Variants in STK3 observed in about 807,000 individuals in gnomAD.
The protein encoded by STK3 is serine/threonine kinase 3.
Under a neutral mutation model 58.0 loss-of-function variants are expected in STK3, and 41 were observed. The ratio of observed to expected loss-of-function variants is 0.71; its 90% CI spans 0.55 to 0.92. The LOEUF is 0.92. STK3 is among the 40% of genes least tolerant of loss of function. The pLI is 0.00. For missense variants in STK3, 479 were observed against 602.7 expected (o/e 0.79, Z 2.15); for synonymous variants, 170 against 191.0 (o/e 0.89, Z 0.91).
At chr8:98,507,028 C>A (rs140162877) in intron 10 of STK3, among the ~76,000 whole-genome samples, 25 of 152,274 alleles carry the variant, frequency 1.6e-4, no homozygotes, top group African/African-American at 6.0e-4. Context: ...TGAATACAGA[C>A]CCCTTCCCTT....
At chr8:98,447,311 G>A (rs1304617728) in intron 1 of STK3, among the ~76,000 whole-genome samples, 2 of 152,106 alleles carry the variant, frequency 1.3e-5, no homozygotes, top group Non-Finnish European at 2.9e-5. Flanking sequence ...CATGCAGTAA[G>A]TTAGGCAGCA....
intron 1 of STK3, among the ~76,000 whole-genome samples, chr8:98,904,349 A>T (rs555067095): frequency 6.6e-6 from 1 of 152,100 alleles, no homozygotes; most frequent in Non-Finnish European, 1.5e-5. Flanking sequence ...ATCCTTACCT[A>T]GGGCTGTTCA....
At chr8:98,349,356 G>T in the STK3 span, among the ~76,000 whole-genome samples, 1 of 152,240 alleles carries the variant, frequency 6.6e-6, no homozygotes, top group African/African-American at 2.4e-5. Flanking sequence ...GGCTCCCATG[G>T]TCTTCGGCAG....
At chr8:98,597,958 A>C in intron 6 of STK3, 3 of 985,394 alleles carry the variant, frequency 3.0e-6, no homozygotes, top group Non-Finnish European at 3.6e-6. Context: ...TTAAAAAATG[A>C]GTAAAATGGG....
intron 1 of STK3, among the ~76,000 whole-genome samples, chr8:98,804,933 T>C (rs1833808217): frequency 6.6e-6 from 1 of 152,186 alleles, no homozygotes; most frequent in South Asian, 2.1e-4. Context: ...GCTGACTGTA[T>C]AAGATGAACC....
intron 2 of STK3, among the ~76,000 whole-genome samples, chr8:98,372,969 G>A (rs1449040253): frequency 1.3e-5 from 2 of 152,134 alleles, no homozygotes; most frequent in African/African-American, 2.4e-5. Flanking sequence ...GTCTTACTCT[G>A]GTTATAATGG....
chr8:98,590,372 C>T (rs1331054121), intron 7 of STK3, among the ~76,000 whole-genome samples: 1 of 152,156 alleles, frequency 6.6e-6, no homozygotes, highest in East Asian at 1.9e-4. Flanking sequence ...GGGTAGAGGG[C>T]TTCCGAGGCG....
chr8:98,404,218 G>C (rs977025441), intron 3 of STK3, among the ~76,000 whole-genome samples: 1 of 152,088 alleles, frequency 6.6e-6, no homozygotes, highest in Non-Finnish European at 1.5e-5. Context: ...TCTCTCTATG[G>C]GACATGCTCC....
At chr8:98,580,604 GTGAGT>G (rs1488659684) in intron 7 of STK3, among the ~76,000 whole-genome samples, 1 of 152,204 alleles carries the variant, frequency 6.6e-6, no homozygotes, top group African/African-American at 2.4e-5. Context: ...GACTGAGTGA[GTGAGT>G]TATTTGTTTA....
chr8:98,695,204 T>C (rs1292353216), intron 6 of STK3, among the ~76,000 whole-genome samples: 10 of 152,246 alleles, frequency 6.6e-5, no homozygotes, highest in Non-Finnish European at 1.3e-4. Flanking sequence ...GTTGTTTTTT[T>C]CTTGTAAATT....
intron 1 of STK3, among the ~76,000 whole-genome samples, chr8:98,795,751 G>A (rs1034162368): frequency 7.9e-5 from 12 of 151,950 alleles, no homozygotes; most frequent in African/African-American, 2.9e-4. Context: ...TAACGTTCCA[G>A]CTGAGAGCCA....
At position 98,808,257 on chromosome 8, in the gene STK3, G is replaced by A. The variant is rs1834006829; in HGVS notation, c.26+17258C>T. Reference sequence around the variant, plus strand: ...ATATGAAAACATGAGGGCAGGACAGGAAAGAAAGTGTGAAGTGAGAGGACT... The same window carrying A: ...ATATGAAAACATGAGGGCAGGACAGAAAAGAAAGTGTGAAGTGAGAGGACT... On this transcript the variant is annotated intron_variant, in intron 1 of 10. Transcript: ENST00000419617. Among the ~76,000 whole-genome samples, 2 of 152,188 alleles carry A rather than the reference G, an allele frequency of 1.3e-5. 1 individual carries two copies. Among genetic ancestry groups the A allele is most frequent in the South Asian group, 4.1e-4 (2 of 4,830 alleles).
intron 6 of STK3, among the ~76,000 whole-genome samples, chr8:98,631,986 T>C (rs1175709995): frequency 1.3e-5 from 2 of 152,254 alleles, no homozygotes; most frequent in South Asian, 2.1e-4. Context: ...ATTTACTGTC[T>C]TTCCCCACTA....
At chr8:98,400,900 C>A (rs1817935887), downstream of STK3, among the ~76,000 whole-genome samples, 1 of 152,102 alleles carries the variant, frequency 6.6e-6, no homozygotes, top group Non-Finnish European at 1.5e-5. Flanking sequence ...AAGGCCACAA[C>A]ATTATTTTCA....
chr8:98,421,660 C>T (rs1347921104), intron 3 of STK3, among the ~76,000 whole-genome samples: 1 of 152,070 alleles, frequency 6.6e-6, no homozygotes, highest in African/African-American at 2.4e-5. Flanking sequence ...CCTATAGTCC[C>T]AGCTACTCAG....
At chr8:98,437,947 G>C (rs190152104) in intron 1 of STK3, 2 of 152,248 alleles carry the variant, frequency 1.3e-5, no homozygotes, top group African/African-American at 4.8e-5. Context: ...CCTGTCCTGG[G>C]CTAGGGACTG....
chr8:98,597,328 G>C, intron 6 of STK3: 1 of 985,372 alleles, frequency 1.0e-6, no homozygotes, highest in Middle Eastern at 5.2e-4. Flanking sequence ...TAGGTTAAGA[G>C]TCAATCTTTT....
chr8:98,717,755 T>C (rs763431959), intron 4 of STK3, among the ~76,000 whole-genome samples: 8 of 152,228 alleles, frequency 5.3e-5, no homozygotes, highest in Middle Eastern at 3.2e-3. Context: ...CCCATGTTCA[T>C]AGTAGCATTA....
In STK3 at chr8:98,818,277, T is replaced by C. The variant is rs973440132; in HGVS notation, c.26+7238A>G. ...CAAGCTACAACAAGAGTGTATGTTA[T>C]ATGAGGGCAAAGAACCCACCTGTTT... On this transcript the variant is annotated intron_variant, in intron 1 of 10. Coordinates refer to ENST00000419617, the MANE Select transcript of STK3 (RefSeq NM_006281.4). 3.3e-5 allele frequency among the ~76,000 whole-genome samples: 5 copies of C among 152,242 alleles called. No homozygotes were observed. The South Asian group carries it at 6.2e-4, about 19-fold the overall frequency.
Sources: allele counts gnomAD v4.1 joint callset (sites outside exome capture counted in the v4.1 genomes callset), GRCh38; gene constraint gnomAD v4.1.1; transcripts MANE v1.5; gene names NCBI Gene and HGNC (gene_info 2026-07-23, HGNC 2026-07-21).